Variants in RGS3 observed in about 807,000 individuals in gnomAD.
RGS3 encodes regulator of G-protein signalling 3.
In RGS3, 80 loss-of-function variants were observed where a neutral mutation model predicts 132.6. The observed-to-expected ratio is 0.60, with a 90% confidence interval of 0.50 to 0.73. The LOEUF (loss-of-function observed/expected upper bound fraction) is 0.73. Among genes scored for constraint, RGS3 ranks in the 30% least tolerant of loss-of-function variants. The pLI, the probability that RGS3 is intolerant of heterozygous loss-of-function variation, is 0.00. For missense variants in RGS3, 1,382 were observed against 1,530.8 expected (o/e 0.90, Z 1.62); for synonymous variants, 598 against 620.6 (o/e 0.96, Z 0.54).
At chr9:113,487,696 C>T (rs188244184) in intron 7 of RGS3, among the ~76,000 whole-genome samples, 8 of 152,154 alleles carry the variant, frequency 5.3e-5, no homozygotes, top group African/African-American at 9.6e-5. Flanking sequence ...AACTCATTGA[C>T]GTTGCTGGAA....
chr9:113,461,959 C>G, intron 2 of RGS3: 1 of 1,595,588 alleles, frequency 6.3e-7, no homozygotes, highest in Non-Finnish European at 8.5e-7. Context: ...TGGGAGTGAA[C>G]ACACCTTGCA....
At chr9:113,534,635 C>G (rs1588213447) in intron 18 of RGS3, among the ~76,000 whole-genome samples, 1 of 128,828 alleles carries the variant, frequency 7.8e-6, no homozygotes, top group South Asian at 2.4e-4. Context: ...TTTTTTGAGA[C>G]AAGGTCTGCC....
intron 19 of RGS3, among the ~76,000 whole-genome samples, chr9:113,557,122 C>G (rs1482558246): frequency 6.6e-6 from 1 of 152,242 alleles, no homozygotes; most frequent in Non-Finnish European, 1.5e-5. Flanking sequence ...ATGCATTAGT[C>G]AGCAATCTAC....
chr9:113,492,172 A>T (rs930363011), intron 7 of RGS3, among the ~76,000 whole-genome samples: 2 of 152,228 alleles, frequency 1.3e-5, no homozygotes, highest in African/African-American at 4.8e-5. Flanking sequence ...TCCTCAAAAA[A>T]TAATCTATTT....
chr9:113,503,974 G>A (rs1024901695), intron 10 of RGS3, among the ~76,000 whole-genome samples: 3 of 152,032 alleles, frequency 2.0e-5, no homozygotes, highest in African/African-American at 7.2e-5. Context: ...TGGGAACGGG[G>A]TATTTTCCTG....
At chr9:113,542,965 C>A (rs1832965652) in intron 19 of RGS3, among the ~76,000 whole-genome samples, 1 of 152,212 alleles carries the variant, frequency 6.6e-6, no homozygotes, top group African/African-American at 2.4e-5. Context: ...GAAGACCAAC[C>A]AAGGGGACAG....
Position 113,595,416 on chromosome 9 carries a change from A to G in RGS3, c.3245-183A>G, listed in dbSNP as rs1323495898. 6.5e-6 allele frequency: 4 copies of G among 612,606 alleles called. No homozygotes were observed. In the Admixed American group the frequency reaches 1.2e-4, roughly 18 times the overall value. 37.9% of individuals were successfully genotyped at this position (612,606 alleles called of 1,614,324 possible). A position where few individuals can be genotyped will look rare whatever the true frequency, so the allele number is the denominator to read the frequency against. ...GCATAGAGAGGGGGAGACCCCACTG[A>G]GACCCTGAAAGAGGCAGTGGCAGGG... On this transcript the variant is annotated intron_variant, in intron 23 of 24. Coordinates refer to ENST00000350696, the Ensembl canonical transcript of RGS3.
Position 113,591,222 on chromosome 9 carries a change from T to G in RGS3, c.3016-111T>G. On this transcript the variant is annotated intron_variant, in intron 20 of 24. Transcript: ENST00000350696. This position sits in a 1 kb window ranked among gnomAD's most constrained non-coding sequence, Gnocchi z 4.4. Reference sequence around the variant, plus strand: ...CACCTGTGTGCCGCGGGTGGGGGCTTTGGGGATGGAAGGGGCTGGTGGCAG... The same window carrying G: ...CACCTGTGTGCCGCGGGTGGGGGCTGTGGGGATGGAAGGGGCTGGTGGCAG... 1 of 924,734 alleles carries G rather than the reference T, an allele frequency of 1.1e-6. No homozygotes were observed. Among genetic ancestry groups the G allele is most frequent in the Non-Finnish European group, 1.7e-6 (1 of 585,126 alleles). The allele number at this position is 924,734 out of a possible 1,614,324, so 57.3% of individuals were successfully genotyped here.
chr9:113,554,753 T>C (rs563295449), intron 19 of RGS3, among the ~76,000 whole-genome samples: 1 of 152,330 alleles, frequency 6.6e-6, no homozygotes, highest in East Asian at 1.9e-4. Context: ...ATTATATGGG[T>C]TATAATTATT....
chr9:113,468,407 A>G (rs547848839), intron 3 of RGS3, among the ~76,000 whole-genome samples: 1 of 152,178 alleles, frequency 6.6e-6, no homozygotes, highest in Non-Finnish European at 1.5e-5. Context: ...CCATTGATCT[A>G]TCTGCCTATT....
At chr9:113,584,231 G>A (rs748183382) in exon 20 of RGS3, 5 of 1,612,328 alleles carry the variant, frequency 3.1e-6, no homozygotes, top group Non-Finnish European at 4.2e-6. Context: ...CTGCGGCGCC[G>A]GACGCACAGC....
intron 24 of RGS3, 117 bp downstream of exon 22, chr9:113,595,882 C>A: frequency 9.1e-7 from 1 of 1,093,834 alleles, no homozygotes. Flanking sequence ...CTCCATGAGC[C>A]CAGGTACCCA....
chr9:113,499,623 T>G lies in RGS3; in HGVS notation c.897+1543T>G, dbSNP rs1301419749. Among the ~76,000 whole-genome samples the G allele has an allele frequency of 2.0e-5, 3 of 152,372 alleles. No individual in the cohort carries two copies. In the South Asian group the frequency reaches 6.2e-4, roughly 32 times the overall value. On this transcript the variant is annotated intron_variant, in intron 10 of 24. Coordinates refer to ENST00000350696, the Ensembl canonical transcript of RGS3. The stretch of plus-strand genomic sequence containing the variant: ...CACTCATTCATCATTCATTAAATAT[T>G]TCCACCTATGTAGGCTGGGCCCTGT...
intron 16 of RGS3, among the ~76,000 whole-genome samples, chr9:113,521,135 C>T (rs1831936071): frequency 6.6e-6 from 1 of 152,102 alleles, no homozygotes; most frequent in Admixed American, 6.6e-5. Flanking sequence ...TGAGACAGGG[C>T]TGTGGTGGGA....
At chr9:113,473,339 C>T (rs992270892) in intron 3 of RGS3, among the ~76,000 whole-genome samples, 1 of 152,190 alleles carries the variant, frequency 6.6e-6, no homozygotes, top group Non-Finnish European at 1.5e-5. Context: ...ATGCAAACCC[C>T]AGCTCTGCCA....
At chr9:113,517,329 G>A (rs1252760901) in intron 15 of RGS3, 2 of 675,668 alleles carry the variant, frequency 3.0e-6, no homozygotes, top group Non-Finnish European at 2.7e-6. Flanking sequence ...GGGGAAGGTG[G>A]CAGCAACAGT....
At chr9:113,582,481 G>A (rs1345072800) in intron 19 of RGS3, 4 of 152,294 alleles carry the variant, frequency 2.6e-5, no homozygotes, top group African/African-American at 9.6e-5. Flanking sequence ...CAGAACCTGG[G>A]CTCTAAATAA....
intron 19 of RGS3, 29 bp downstream of exon 17, chr9:113,536,947 G>A: frequency 6.2e-7 from 1 of 1,605,548 alleles, no homozygotes; most frequent in African/African-American, 1.3e-5. Flanking sequence ...GCTGTGGCCT[G>A]GCTGCCTCGT....
chr9:113,478,970 G>C (rs1418150537), intron 3 of RGS3: 1 of 162,438 alleles, frequency 6.2e-6, no homozygotes, highest in African/African-American at 2.4e-5. Context: ...GAACATTTCA[G>C]GTGTTTCCAG....
Sources: allele counts gnomAD v4.1 joint callset (sites outside exome capture counted in the v4.1 genomes callset), GRCh38; gene constraint gnomAD v4.1.1; non-coding constraint Gnocchi (gnomAD v3.1); transcripts MANE v1.5; gene names NCBI Gene and HGNC (gene_info 2026-07-23, HGNC 2026-07-21).